WWTR1: variants seen among roughly 807,000 people sequenced by gnomAD.
WWTR1 encodes WW domain-containing transcription regulator protein 1.
In WWTR1, 13 loss-of-function variants were observed where a neutral mutation model predicts 40.1. The ratio of observed to expected loss-of-function variants is 0.32; its 90% CI spans 0.21 to 0.52. WWTR1 has a LOEUF of 0.52. WWTR1 is among the 20% of genes least tolerant of loss of function. The pLI is 0.97. For synonymous variants in WWTR1, 230 were observed against 210.1 expected (o/e 1.09, Z -0.82); for missense variants, 436 against 523.1 (o/e 0.83, Z 1.63).
intron 3 of WWTR1, among the ~76,000 whole-genome samples, chr3:149,558,793 G>A (rs541885439): frequency 3.3e-5 from 5 of 152,122 alleles, no homozygotes; most frequent in Non-Finnish European, 7.3e-5. Context: ...CACAAGGACC[G>A]AAGACTTGTT....
intron 5 of WWTR1, among the ~76,000 whole-genome samples, chr3:149,708,737 A>G (rs1207875778): frequency 6.6e-6 from 1 of 152,190 alleles, no homozygotes; most frequent in Non-Finnish European, 1.5e-5. Context: ...GGTTGATTTC[A>G]TATCTTGACT....
intron 1 of WWTR1, among the ~76,000 whole-genome samples, chr3:149,679,898 C>T (rs544690533): frequency 3.3e-5 from 5 of 152,314 alleles, no homozygotes; most frequent in South Asian, 2.1e-4. Flanking sequence ...GATTGGAAGC[C>T]GATGGCGTCC....
chr3:149,713,996 C>G (rs567435873), intron 5 of WWTR1, among the ~76,000 whole-genome samples: 2 of 152,234 alleles, frequency 1.3e-5, no homozygotes, highest in African/African-American at 4.8e-5. Flanking sequence ...GTCTCTGGAG[C>G]CTGCCCTGGG....
chr3:149,708,975 A>T, intron 5 of WWTR1, among the ~76,000 whole-genome samples: 1 of 151,918 alleles, frequency 6.6e-6, no homozygotes, highest in Non-Finnish European at 1.5e-5. Flanking sequence ...ACCAATACTT[A>T]TCTTTTTATT....
intron 3 of WWTR1, among the ~76,000 whole-genome samples, chr3:149,549,467 A>C (rs2107952012): frequency 6.6e-6 from 1 of 152,354 alleles, no homozygotes; most frequent in Admixed American, 6.5e-5. Context: ...ACTCCTTAAA[A>C]CTATTGAGGT....
intron 2 of WWTR1, among the ~76,000 whole-genome samples, chr3:149,588,051 G>A (rs1738511746): frequency 6.6e-6 from 1 of 152,218 alleles, no homozygotes; most frequent in African/African-American, 2.4e-5. Flanking sequence ...GACAGAGATG[G>A]TTGTTGCTTT....
intron 2 of WWTR1, among the ~76,000 whole-genome samples, chr3:149,585,107 T>A (rs1383830008): frequency 6.8e-6 from 1 of 146,400 alleles, no homozygotes; most frequent in Non-Finnish European, 1.5e-5. Context: ...ACTACAGATA[T>A]ACTTGATTTC....
chr3:149,717,387 A>T (rs1007601252), intron 5 of WWTR1: 1 of 152,234 alleles, frequency 6.6e-6, no homozygotes, highest in Non-Finnish European at 1.5e-5. Context: ...TTCAAGGACA[A>T]TTCTTTTGAT....
intron 5 of WWTR1, among the ~76,000 whole-genome samples, chr3:149,712,692 T>C (rs569454987): frequency 6.6e-6 from 1 of 152,332 alleles, no homozygotes; most frequent in African/African-American, 2.4e-5. Flanking sequence ...AACCAGGAGC[T>C]AATTCCTATG....
intron 2 of WWTR1, among the ~76,000 whole-genome samples, chr3:149,625,182 T>C (rs1261948926): frequency 7.0e-6 from 1 of 143,586 alleles, no homozygotes; most frequent in Non-Finnish European, 1.5e-5. Context: ...AGTGCAGTGG[T>C]GCGATCTCAG....
rs1441250305 is a variant in WWTR1 at position 149,657,343 on chromosome 3, A to T, written c.-3-34T>A. The T allele has an allele frequency of 3.2e-6, 5 of 1,574,074 alleles. No individual in the cohort carries two copies. In the African/African-American group the frequency reaches 4.0e-5, roughly 13 times the overall value. ...AGAAGGTCAGATCAGCCTTTTATTT[A>T]AAGTCGGAGGAAGTGGGTAAGAGGG... On this transcript the variant is annotated intron_variant, in intron 1 of 6. Coordinates refer to ENST00000360632, the MANE Select transcript of WWTR1 (RefSeq NM_015472.6).
intron 3 of WWTR1, among the ~76,000 whole-genome samples, chr3:149,565,266 A>G (rs2107982916): frequency 6.6e-6 from 1 of 151,602 alleles, no homozygotes; most frequent in Non-Finnish European, 1.5e-5. Context: ...TAACTAACAC[A>G]TCTTTGTGTA....
intron 3 of WWTR1, among the ~76,000 whole-genome samples, chr3:149,546,975 C>A (rs988819915): frequency 1.3e-5 from 2 of 152,092 alleles, no homozygotes; most frequent in African/African-American, 4.8e-5. Flanking sequence ...CCACTATGCT[C>A]CCTCTAGTTG....
intron 1 of WWTR1, among the ~76,000 whole-genome samples, chr3:149,684,940 A>T (rs1271312864): frequency 6.6e-6 from 1 of 152,124 alleles, no homozygotes; most frequent in Non-Finnish European, 1.5e-5. Flanking sequence ...TGCTTAAAAG[A>T]CATTTTCCAC....
chr3:149,702,149 T>C (rs1341692075), intron 1 of WWTR1: 2 of 157,350 alleles, frequency 1.3e-5, no homozygotes, highest in East Asian at 3.2e-4. Context: ...GTACCTGTGA[T>C]GAAAGGTGAT....
chr3:149,641,561 TG>T (rs1325323874), intron 2 of WWTR1, among the ~76,000 whole-genome samples: 2 of 152,214 alleles, frequency 1.3e-5, no homozygotes, highest in Admixed American at 6.5e-5. Flanking sequence ...AAAAGCACTG[TG>T]GCAAAACTTG....
chr3:149,662,519 G>A (rs983706202), upstream of WWTR1, among the ~76,000 whole-genome samples: 2 of 152,068 alleles, frequency 1.3e-5, no homozygotes, highest in Non-Finnish European at 2.9e-5. Flanking sequence ...TCCAATCAGC[G>A]GCAAATGCTA....
chr3:149,566,376 C>G (rs1205092584), intron 3 of WWTR1, among the ~76,000 whole-genome samples: 7 of 152,120 alleles, frequency 4.6e-5, no homozygotes. Context: ...TCCACCATCT[C>G]CCAAAAAGTG....
chr3:149,670,643 C>CAA (rs5853435), intron 1 of WWTR1: 10 of 101,142 alleles, frequency 9.9e-5, no homozygotes, highest in African/African-American at 1.2e-4. Flanking sequence ...GACTCCGTCT[C>CAA]AAAAAAAAAA....
Sources: gnomAD v4.1 joint callset for allele counts (sites outside exome capture counted in the v4.1 genomes callset) on GRCh38, gnomAD v4.1.1 for gene constraint, MANE v1.5 for transcripts, NCBI Gene and HGNC (gene_info 2026-07-23, HGNC 2026-07-21) for gene names.